The following EDNRB variants were observed in gnomAD, a reference collection of about 807,000 sequenced individuals.
The protein encoded by EDNRB is endothelin receptor type B, also known as Hirschsprung disease 2.
In EDNRB, 18 loss-of-function variants were observed where a neutral mutation model predicts 46.4. That is an observed-to-expected ratio of 0.39 (90% CI 0.27 to 0.57). The LOEUF is 0.57. EDNRB is among the 20% of genes least tolerant of loss of function. The pLI is 0.61. For missense variants in EDNRB, 434 were observed against 537.5 expected (o/e 0.81, Z 1.90); for synonymous variants, 213 against 204.9 (o/e 1.04, Z -0.34).
chr13:77,901,229 T>A, intron 3 of EDNRB, 22 bp from the exon 4 acceptor site: 1 of 1,607,656 alleles, frequency 6.2e-7, no homozygotes, highest in Non-Finnish European at 8.5e-7. Context: ...AGAGAATTTT[T>A]ACGATTAATA....
At chr13:77,959,029 A>T (rs1177312926) in intron 1 of EDNRB, among the ~76,000 whole-genome samples, 1 of 152,226 alleles carries the variant, frequency 6.6e-6, no homozygotes, top group African/African-American at 2.4e-5. Context: ...GGGGTGAATG[A>T]TCTCTCATAA....
intron 1 of EDNRB, among the ~76,000 whole-genome samples, chr13:77,946,922 T>C (rs1880937317): frequency 6.6e-6 from 1 of 152,156 alleles, no homozygotes; most frequent in African/African-American, 2.4e-5. Context: ...GGGTGAGAAA[T>C]GGTTCTTTAA....
At chr13:77,938,032 AGTTT>A (rs139920730) in intron 1 of EDNRB, among the ~76,000 whole-genome samples, 11 of 152,172 alleles carry the variant, frequency 7.2e-5, no homozygotes, top group Non-Finnish European at 1.5e-4. Flanking sequence ...ACAACTGTCA[AGTTT>A]GTTTGGGGTC....
intron 1 of EDNRB, among the ~76,000 whole-genome samples, chr13:77,967,894 G>T (rs1192198894): frequency 6.6e-6 from 1 of 152,072 alleles, no homozygotes; most frequent in Non-Finnish European, 1.5e-5. Context: ...TCTCTGCCTT[G>T]CCTCTGATGC....
chr13:77,955,359 C>T (rs910309752), intron 1 of EDNRB, among the ~76,000 whole-genome samples: 2 of 152,064 alleles, frequency 1.3e-5, no homozygotes, highest in Non-Finnish European at 2.9e-5. Flanking sequence ...TTCTTATATA[C>T]TTTGGATAGT....
intron 1 of EDNRB, among the ~76,000 whole-genome samples, chr13:77,960,491 GA>G (rs1298369844): frequency 6.6e-6 from 1 of 152,144 alleles, no homozygotes; most frequent in Non-Finnish European, 1.5e-5. Context: ...CAAATTCGGA[GA>G]GATTTTGTCA....
chr13:77,926,679 T>A (rs8000166), intron 1 of EDNRB, among the ~76,000 whole-genome samples: 9 of 151,452 alleles, frequency 5.9e-5, no homozygotes, highest in East Asian at 3.9e-4. Context: ...CTCTTCCACC[T>A]CTGCGTGTTA....
chr13:77,940,384 A>T (rs1274895838), intron 1 of EDNRB, among the ~76,000 whole-genome samples: 1 of 152,090 alleles, frequency 6.6e-6, no homozygotes, highest in Non-Finnish European at 1.5e-5. Context: ...ATATGAGTAG[A>T]TGTTCTCCAG....
chr13:77,955,152 T>C (rs950772179), intron 1 of EDNRB, among the ~76,000 whole-genome samples: 1 of 152,228 alleles, frequency 6.6e-6, no homozygotes, highest in Non-Finnish European at 1.5e-5. Flanking sequence ...TTATTTGTTG[T>C]TTGATAATAG....
intron 1 of EDNRB, among the ~76,000 whole-genome samples, chr13:77,970,279 C>G (rs954167771): frequency 6.6e-6 from 1 of 152,090 alleles, no homozygotes; most frequent in African/African-American, 2.4e-5. Flanking sequence ...ATATTCCAGA[C>G]CCCTGGTGGT....
chr13:77,931,837 A>G (rs1880419559), intron 1 of EDNRB, among the ~76,000 whole-genome samples: 1 of 151,910 alleles, frequency 6.6e-6, no homozygotes, highest in South Asian at 2.1e-4. Flanking sequence ...TAGGCATAGC[A>G]ATGAAAATAG....
At chr13:77,973,407 A>C (rs57676440) in intron 1 of EDNRB, among the ~76,000 whole-genome samples, 40,836 of 151,954 alleles carry the variant, frequency 0.27, 6,674 homozygotes, top group East Asian at 0.56. Flanking sequence ...TCTTTTTAAC[A>C]TTTTATAATT....
intron 1 of EDNRB, among the ~76,000 whole-genome samples, chr13:77,926,121 T>C (rs1248795485): frequency 1.3e-5 from 2 of 152,232 alleles, no homozygotes; most frequent in African/African-American, 4.8e-5. Flanking sequence ...ACATTGTATC[T>C]GGGAAATAAC....
At chr13:77,966,393 C>G (rs897965041) in intron 1 of EDNRB, among the ~76,000 whole-genome samples, 7 of 152,166 alleles carry the variant, frequency 4.6e-5, no homozygotes, top group African/African-American at 1.7e-4. Context: ...TACATGTCTT[C>G]CTCCCCCACT....
intron 3 of EDNRB, among the ~76,000 whole-genome samples, chr13:77,902,182 C>G (rs1349163064): frequency 6.6e-6 from 1 of 151,948 alleles, no homozygotes; most frequent in Non-Finnish European, 1.5e-5. Flanking sequence ...CATTCAGACT[C>G]CATCCATATC....
intron 1 of EDNRB, among the ~76,000 whole-genome samples, chr13:77,944,390 A>G (rs528196075): frequency 1.1e-4 from 16 of 152,226 alleles, no homozygotes; most frequent in Admixed American, 3.3e-4. Flanking sequence ...CTGAGTTTAT[A>G]TAATTGAATG....
At chr13:77,945,928 G>A (rs991144783) in intron 1 of EDNRB, among the ~76,000 whole-genome samples, 1 of 150,274 alleles carries the variant, frequency 6.7e-6, no homozygotes, top group African/African-American at 2.4e-5. Context: ...GACAAAGCAG[G>A]TATCTGAATC....
chr13:77,942,461 A>G (rs988477152), intron 1 of EDNRB, among the ~76,000 whole-genome samples: 3 of 152,190 alleles, frequency 2.0e-5, no homozygotes, highest in Non-Finnish European at 4.4e-5. Flanking sequence ...ACCTAAATCC[A>G]GAGCCCACAC....
upstream of EDNRB, chr13:77,919,383 G>A (rs750634147): frequency 6.2e-7 from 1 of 1,606,078 alleles, no homozygotes; most frequent in Admixed American, 1.7e-5. Context: ...TCAACACCAA[G>A]CCCGAATGTT....
Sources: allele counts gnomAD v4.1 joint callset (sites outside exome capture counted in the v4.1 genomes callset), GRCh38; gene constraint gnomAD v4.1.1; transcripts MANE v1.5; gene names NCBI Gene and HGNC (gene_info 2026-07-23, HGNC 2026-07-21).